The following CSMD1 variants were observed in gnomAD, a reference collection of about 807,000 sequenced individuals.
CSMD1 encodes the protein CUB and sushi domain-containing protein 1.
In CSMD1, 213 loss-of-function variants were observed where a neutral mutation model predicts 417.5. The ratio of observed to expected loss-of-function variants is 0.51; its 90% CI spans 0.46 to 0.57. CSMD1 has a LOEUF of 0.57. CSMD1 is among the 20% of genes least tolerant of loss of function. CSMD1 has a pLI of 0.00. For missense variants in CSMD1, 6,923 were observed against 4,529.7 expected (o/e 1.53, Z -15.17); for synonymous variants, 2,862 against 1,736.8 (o/e 1.65, Z -16.11).
At chr8:2,999,906 C>T in intron 53 of CSMD1, 52 bp downstream of exon 53, 1 of 1,508,470 alleles carries the variant, frequency 6.6e-7, no homozygotes, top group East Asian at 2.3e-5. Flanking sequence ...TAACAAAAGA[C>T]AATGTGGCAA....
At chr8:4,125,893 G>C (rs996438578) in intron 3 of CSMD1, among the ~76,000 whole-genome samples, 1 of 152,106 alleles carries the variant, frequency 6.6e-6, no homozygotes, top group African/African-American at 2.4e-5. Context: ...TACGGTTTAG[G>C]AGACACGCAG....
At chr8:3,448,572 T>G (rs924806168) in intron 12 of CSMD1, among the ~76,000 whole-genome samples, 1 of 151,634 alleles carries the variant, frequency 6.6e-6, no homozygotes, top group African/African-American at 2.4e-5. Context: ...TTTGTAGGAG[T>G]TGCTGTAAGT....
Position 2,973,127 on chromosome 8 carries a change from C to T in CSMD1, c.8913G>A (p.Pro2971=), listed in dbSNP as rs374486792. ...LLNGSWSGLQ[P]VCEAVSCGNP... is the part of the protein sequence containing the mutation. Reference sequence around the variant, plus strand: ...CTTCTGGCTACTCACCCTCACACACCGGCTGCAGTCCTGACCATGACCCAT... The same window carrying T: ...CTTCTGGCTACTCACCCTCACACACTGGCTGCAGTCCTGACCATGACCCAT... The change falls in exon 57 of 70, where the codon CCG becomes CCA. Residue 2971 remains proline (P), a synonymous_variant. Transcript: ENST00000635120. 93 of 1,613,348 alleles carry T rather than the reference C, an allele frequency of 5.8e-5. No individual in the cohort carries two copies. Among genetic ancestry groups the T allele is most frequent in the African/African-American group, 5.5e-4 (41 of 74,914 alleles).
At chr8:4,083,774 G>A (rs546427332) in intron 3 of CSMD1, among the ~76,000 whole-genome samples, 1 of 152,266 alleles carries the variant, frequency 6.6e-6, no homozygotes, top group Middle Eastern at 3.4e-3. Context: ...TCAGGACATA[G>A]GCATGGGCAA....
chr8:3,327,800 ATGT>A (rs1806630580), intron 23 of CSMD1, among the ~76,000 whole-genome samples: 1 of 152,176 alleles, frequency 6.6e-6, no homozygotes, highest in African/African-American at 2.4e-5. Context: ...AAATAAGTAA[ATGT>A]TGTGTTTTTT....
intron 1 of CSMD1, among the ~76,000 whole-genome samples, chr8:4,837,806 C>T (rs992334821): frequency 2.0e-5 from 3 of 152,042 alleles, no homozygotes; most frequent in Admixed American, 1.3e-4. Flanking sequence ...ATGGATATAT[C>T]GTTCCCCATG....
At chr8:4,263,164 T>C (rs1302112010) in intron 3 of CSMD1, among the ~76,000 whole-genome samples, 2 of 152,126 alleles carry the variant, frequency 1.3e-5, no homozygotes, top group Admixed American at 6.6e-5. Flanking sequence ...AAAAGCAATG[T>C]TCTGACTAGC....
chr8:4,105,107 C>G (rs1585322415), intron 3 of CSMD1, among the ~76,000 whole-genome samples: 1 of 152,126 alleles, frequency 6.6e-6, no homozygotes, highest in Admixed American at 6.5e-5. Flanking sequence ...TTTAATGTGT[C>G]CTTAGCTCCC....
rs141523919 is a variant in CSMD1, at chr8:3,275,066, C to A, written c.4153+9078G>T. ...TGGCATGATTTTGCCGTGCCTGGTA[C>A]CTTTTGTTCCTTTCCATGTTTAGCG... On this transcript the variant is annotated intron_variant, in intron 26 of 69. Transcript: ENST00000635120. Among the ~76,000 whole-genome samples, 516 of 152,206 alleles carry A rather than the reference C, an allele frequency of 3.4e-3. 11 individuals carry two copies. Among genetic ancestry groups the A allele is most frequent in the East Asian group, 0.03 (156 of 5,168 alleles).
At chr8:3,326,190 A>G (rs1306741423) in intron 23 of CSMD1, among the ~76,000 whole-genome samples, 5 of 152,208 alleles carry the variant, frequency 3.3e-5, no homozygotes, top group Non-Finnish European at 7.3e-5. Flanking sequence ...CTTCGCGATG[A>G]TATACATGTT....
chr8:4,930,035 G>T (rs972836530), intron 1 of CSMD1, among the ~76,000 whole-genome samples: 1 of 152,128 alleles, frequency 6.6e-6, no homozygotes, highest in Non-Finnish European at 1.5e-5. Context: ...AGGAACAGGG[G>T]TGCACGGTGC....
At chr8:3,641,994 C>G (rs914480304) in intron 7 of CSMD1, among the ~76,000 whole-genome samples, 1 of 152,096 alleles carries the variant, frequency 6.6e-6, no homozygotes, top group East Asian at 1.9e-4. Context: ...AAGAGATTAG[C>G]AGCCCCAGAA....
intron 4 of CSMD1, among the ~76,000 whole-genome samples, chr8:4,020,961 AT>A (rs1309930609): frequency 6.6e-6 from 1 of 152,234 alleles, no homozygotes; most frequent in African/African-American, 2.4e-5. Context: ...GTGGACTTTG[AT>A]ATCTCAGACC....
At chr8:4,466,944 G>C (rs1406270408) in intron 2 of CSMD1, among the ~76,000 whole-genome samples, 1 of 151,822 alleles carries the variant, frequency 6.6e-6, no homozygotes. Flanking sequence ...AATTTCCTGT[G>C]AACATTTCTT....
At chr8:3,463,897 G>A (rs915853296) in intron 12 of CSMD1, among the ~76,000 whole-genome samples, 9 of 152,088 alleles carry the variant, frequency 5.9e-5, no homozygotes, top group Non-Finnish European at 1.3e-4. Context: ...TACACCCTAG[G>A]AGCACAGACC....
chr8:3,293,150 T>TG (rs199819042), intron 25 of CSMD1, among the ~76,000 whole-genome samples: 75,183 of 151,926 alleles, frequency 0.49, 20,913 homozygotes, highest in South Asian at 0.64. Context: ...TGTTGAATAT[T>TG]GCCCCCACTC....
At chr8:3,256,137 G>C (rs1196722827) in intron 26 of CSMD1, among the ~76,000 whole-genome samples, 1 of 152,036 alleles carries the variant, frequency 6.6e-6, no homozygotes, top group Non-Finnish European at 1.5e-5. Flanking sequence ...AGACCAGCCT[G>C]GCCAACATGG....
chr8:4,157,599 A>C (rs1796906518), intron 3 of CSMD1, among the ~76,000 whole-genome samples: 1 of 152,172 alleles, frequency 6.6e-6, no homozygotes, highest in African/African-American at 2.4e-5. Flanking sequence ...GTCATGTAAC[A>C]AATGCAAATC....
At chr8:3,565,421 G>C (rs933925208) in intron 10 of CSMD1, among the ~76,000 whole-genome samples, 6 of 152,130 alleles carry the variant, frequency 3.9e-5, no homozygotes, top group African/African-American at 1.4e-4. Flanking sequence ...AGGGTGGTGT[G>C]TCTAATCTCT....
Sources: gnomAD v4.1 joint callset for allele counts (sites outside exome capture counted in the v4.1 genomes callset) on GRCh38, gnomAD v4.1.1 for gene constraint, MANE v1.5 for transcripts, NCBI Gene and HGNC (gene_info 2026-07-23, HGNC 2026-07-21) for gene names.